STX8: variants seen among roughly 807,000 people sequenced by gnomAD.
STX8 encodes the protein syntaxin 8, also known as syntaxin-8.
Under a neutral mutation model 37.5 loss-of-function variants are expected in STX8, and 23 were observed. The ratio of observed to expected loss-of-function variants is 0.61; its 90% confidence interval spans 0.44 to 0.87. STX8 has a LOEUF of 0.87. Ranked by LOEUF, STX8 falls within the 40% of genes least tolerant of loss-of-function variation. STX8 has a pLI of 0.00. For missense variants in STX8, 313 were observed against 284.7 expected (o/e 1.10, Z -0.71); for synonymous variants, 115 against 99.1 (o/e 1.16, Z -0.95).
intron 6 of STX8, among the ~76,000 whole-genome samples, chr17:9,382,919 C>T (rs1422529511): frequency 1.3e-5 from 2 of 152,184 alleles, no homozygotes; most frequent in Non-Finnish European, 2.9e-5. Flanking sequence ...GTTGAAGCCT[C>T]ATCACCAGTG....
intron 7 of STX8, among the ~76,000 whole-genome samples, chr17:9,306,595 C>CAAAAAAAAAAA (rs71135963): frequency 4.3e-5 from 3 of 69,884 alleles, no homozygotes; most frequent in Non-Finnish European, 6.0e-5. Context: ...ACTAAAAATA[C>CAAAAAAAAAAA]AAAAAAAAAA....
chr17:9,536,523 C>G (rs969100102), intron 4 of STX8, among the ~76,000 whole-genome samples: 3 of 152,138 alleles, frequency 2.0e-5, no homozygotes, highest in African/African-American at 7.2e-5. Flanking sequence ...CCAGGCACCC[C>G]CTTAACAATC....
In STX8 at chr17:9,252,398, T is replaced by A. The variant is rs879310488; in HGVS notation, c.644-1753A>T. Among the ~76,000 whole-genome samples the A allele has an allele frequency of 6.4e-4, 96 of 150,160 alleles. No homozygotes were observed. The Middle Eastern group carries it at 0.01, about 16-fold the overall frequency. On this transcript the variant is annotated intron_variant, in intron 7 of 7. Transcript: ENST00000306357. ...GGCGGAGCTTGCAGTGAGCCGAGAT[T>A]GCGCCACTGCACTCCAAACTGGGCA...
At chr17:9,535,554 T>G (rs974793113) in intron 4 of STX8, among the ~76,000 whole-genome samples, 4 of 147,300 alleles carry the variant, frequency 2.7e-5, no homozygotes, top group Non-Finnish European at 4.5e-5. Flanking sequence ...TGCCTCAGCC[T>G]CCTGAGTAGC....
intron 7 of STX8, among the ~76,000 whole-genome samples, chr17:9,367,842 T>C (rs974429304): frequency 6.6e-6 from 1 of 152,162 alleles, no homozygotes. Flanking sequence ...GCAATTCTCC[T>C]GCCTCAGCCT....
chr17:9,287,496 T>C (rs1052018824), intron 7 of STX8, among the ~76,000 whole-genome samples: 2 of 152,172 alleles, frequency 1.3e-5, no homozygotes, highest in Non-Finnish European at 2.9e-5. Context: ...CTGGTTTTCA[T>C]AGGGCATGAG....
chr17:9,364,108 C>G (rs1911148975), intron 7 of STX8, among the ~76,000 whole-genome samples: 1 of 152,186 alleles, frequency 6.6e-6, no homozygotes, highest in Admixed American at 6.5e-5. Flanking sequence ...ATTCTGACCA[C>G]AAACACTTAA....
In STX8 at chr17:9,393,073, C is replaced by T. The variant is rs142810279; in HGVS notation, c.542-14420G>A. Among the ~76,000 whole-genome samples the T allele has an allele frequency of 3.5e-3, 534 of 152,150 alleles. 1 individual carries two copies. The highest frequency in any genetic ancestry group is 0.017 in the Middle Eastern group (5 of 294). On this transcript the variant is annotated intron_variant, in intron 6 of 7. Coordinates refer to ENST00000306357, the MANE Select transcript of STX8 (RefSeq NM_004853.3). The stretch of plus-strand genomic sequence containing the variant: ...CACATCATATCCAAATTGCTGAACA[C>T]TAAAGACAAAGAAAAAAATAATTGA...
At chr17:9,405,135 A>G (rs572544659) in intron 6 of STX8, among the ~76,000 whole-genome samples, 8 of 152,320 alleles carry the variant, frequency 5.3e-5, no homozygotes, top group African/African-American at 1.7e-4. Flanking sequence ...TTTTTCTGTC[A>G]TAACAATAGC....
chr17:9,508,587 C>T (rs1266074259), intron 4 of STX8, among the ~76,000 whole-genome samples: 3 of 152,180 alleles, frequency 2.0e-5, no homozygotes, highest in Non-Finnish European at 4.4e-5. Flanking sequence ...CCTTGGCCTC[C>T]CAAAGTGCCA....
chr17:9,489,616 C>A (rs1906761076), intron 6 of STX8, among the ~76,000 whole-genome samples: 1 of 151,556 alleles, frequency 6.6e-6, no homozygotes, highest in Non-Finnish European at 1.5e-5. Context: ...TCTCACCCAT[C>A]GAATAGGCTA....
intron 2 of STX8, among the ~76,000 whole-genome samples, chr17:9,562,521 C>T (rs930594338): frequency 4.6e-5 from 7 of 150,994 alleles, no homozygotes; most frequent in African/African-American, 1.5e-4. Context: ...CTCCATAATA[C>T]GTGAGGAGCT....
chr17:9,454,392 G>A (rs912350569), intron 6 of STX8, among the ~76,000 whole-genome samples: 19 of 152,038 alleles, frequency 1.2e-4, no homozygotes, highest in South Asian at 8.3e-4. Context: ...CTTATGGGCC[G>A]GGCTGGCCGG....
At chr17:9,296,294 TG>T (rs1188119920) in intron 7 of STX8, among the ~76,000 whole-genome samples, 8 of 143,656 alleles carry the variant, frequency 5.6e-5, no homozygotes, top group African/African-American at 2.1e-4. Flanking sequence ...TGCAGTGAGC[TG>T]AGATCGCACC....
At chr17:9,539,261 A>AGAG (rs1906178247) in intron 4 of STX8, among the ~76,000 whole-genome samples, 1 of 396 alleles carries the variant, frequency 2.5e-3, no homozygotes, top group South Asian at 0.17. Flanking sequence ...GAAGAAGAGA[A>AGAG]AAGAGGGAAA....
chr17:9,436,040 T>C (rs1335081858), intron 6 of STX8, among the ~76,000 whole-genome samples: 1 of 152,142 alleles, frequency 6.6e-6, no homozygotes, highest in Non-Finnish European at 1.5e-5. Flanking sequence ...TCCATCTAGC[T>C]AAATGAATGA....
intron 6 of STX8, among the ~76,000 whole-genome samples, chr17:9,430,432 AT>A (rs1299804871): frequency 1.3e-5 from 2 of 150,874 alleles, no homozygotes; most frequent in Non-Finnish European, 2.9e-5. Context: ...TTCTCTGTGA[AT>A]TTGCCTATCC....
intron 2 of STX8, 26 bp from the exon 3 acceptor site, chr17:9,557,554 G>C (rs139099180): frequency 3.1e-6 from 5 of 1,599,468 alleles, no homozygotes; most frequent in Middle Eastern, 1.7e-4. Context: ...CACATCCTAA[G>C]TATTCTAGTC....
intron 6 of STX8, among the ~76,000 whole-genome samples, chr17:9,437,381 A>C (rs767295960): frequency 3.9e-5 from 6 of 152,178 alleles, no homozygotes; most frequent in Non-Finnish European, 8.8e-5. Context: ...TCCACCTACA[A>C]ATATACATCC....
Sources: allele counts gnomAD v4.1 joint callset (sites outside exome capture counted in the v4.1 genomes callset), GRCh38; gene constraint gnomAD v4.1.1; transcripts MANE v1.5; gene names NCBI Gene and HGNC (gene_info 2026-07-23, HGNC 2026-07-21).